The following NRAS variants were observed in gnomAD, a reference collection of about 807,000 sequenced individuals.
The protein encoded by NRAS is NRAS proto-oncogene, GTPase.
A neutral mutation model predicts 21.3 loss-of-function variants in NRAS; 6 were observed. The ratio of observed to expected loss-of-function variants is 0.28; its 90% CI spans 0.15 to 0.56. NRAS has a LOEUF of 0.56. Ranked by LOEUF, NRAS falls within the 20% of genes least tolerant of loss-of-function variation. NRAS has a pLI of 0.93. For synonymous variants in NRAS, 84 were observed against 82.0 expected (o/e 1.02, Z -0.13); for missense variants, 143 against 231.3 (o/e 0.62, Z 2.48).
intron 3 of NRAS, among the ~76,000 whole-genome samples, chr1:114,710,527 AAAG>A (rs1346653948): frequency 6.7e-6 from 1 of 150,308 alleles, no homozygotes; most frequent in Admixed American, 6.6e-5. Context: ...GAAAGGGAAG[AAAG>A]AAAAGAAAAG....
intron 3 of NRAS, among the ~76,000 whole-genome samples, chr1:114,712,481 G>T (rs1400259369): frequency 6.6e-6 from 1 of 151,944 alleles, no homozygotes; most frequent in African/African-American, 2.4e-5. Context: ...TTTCTTGTAA[G>T]AAAGAAGAAA....
In NRAS at chr1:114,708,646, T is replaced by C. The variant is rs1216736516; in HGVS notation, c.459A>G (p.Glu153=). Residue 153 remains glutamate, a synonymous_variant, in exon 5 of 7, where the codon GAA becomes GAG. Transcript: ENST00000369535. ...ETSAKTRQGV[E]DAFYTLVREI... ...CTCTTACCAGTGTGTAAAAAGCATC[T>C]TCAACACCCTATAAAAGGAAAAAAT... 4 of 1,613,880 alleles carry C rather than the reference T, an allele frequency of 2.5e-6. No homozygotes were observed. The highest frequency in any genetic ancestry group is 3.4e-6 in the Non-Finnish European group (4 of 1,179,760).
intron 4 of NRAS, among the ~76,000 whole-genome samples, chr1:114,709,185 C>T (rs1658983951): frequency 6.6e-6 from 1 of 152,100 alleles, no homozygotes; most frequent in African/African-American, 2.4e-5. Context: ...ACCTGTAATC[C>T]CAGCACTCTG....
At position 114,713,853 on chromosome 1, in the gene NRAS, G is replaced by A. The variant is rs2101741851; in HGVS notation, c.237C>T (p.Leu79=). The A allele has an allele frequency of 6.2e-7, 1 of 1,613,968 alleles. No individual in the cohort carries two copies. The highest frequency in any genetic ancestry group is 8.5e-7 in the Non-Finnish European group (1 of 1,179,926). The change falls in exon 3 of 7, where the codon CTC becomes CTT. Residue 79 remains leucine (L), a synonymous_variant. Coordinates refer to ENST00000369535, the MANE Select transcript of NRAS (RefSeq NM_002524.5). ...DQYMRTGEGF[L]CVFAINNSKS... ...TGCTATTATTGATGGCAAATACACA[G>A]AGGAAGCCTTCGCCTGTCCTCATGT...
rs1409493379 is a variant in NRAS, at chr1:114,707,022, C to CA, written c.*1071dup. ...ATCACTGATCACAGCTATTAAATAA[C>CA]AATGCACCAAAGTTTTACAATATTT... On this transcript the variant is annotated 3_prime_UTR_variant, in exon 7 of 7. Transcript: ENST00000369535. 2 of 152,568 alleles carry CA rather than the reference C, an allele frequency of 1.3e-5. No individual in the cohort carries two copies. Among genetic ancestry groups the CA allele is most frequent in the Admixed American group, 6.5e-5 (1 of 15,268 alleles). 9.5% of individuals were successfully genotyped at this position (152,568 alleles called of 1,614,324 possible). A position where few individuals can be genotyped will look rare whatever the true frequency, so the allele number is the denominator to read the frequency against.
rs1430613479 is a variant in NRAS, at chr1:114,705,200, A to T, written c.*2894T>A. On this transcript the variant is annotated 3_prime_UTR_variant, in exon 7 of 7. Transcript: ENST00000369535. The stretch of plus-strand genomic sequence containing the variant: ...AAGTCATGACAAAAAAATTCACAGC[A>T]GTTTAAAGGATGGTGAAAGACTAAA... 1 of 152,228 alleles carries T rather than the reference A, an allele frequency of 6.6e-6. No individual in the cohort carries two copies. Among genetic ancestry groups the T allele is most frequent in the African/African-American group, 2.4e-5 (1 of 41,458 alleles). The allele number at this position is 152,228 out of a possible 1,614,324, so 9.4% of individuals were successfully genotyped here.
At position 114,704,664 on chromosome 1, in the gene NRAS, A is replaced by G. The variant is rs539638523; in HGVS notation, c.*3430T>C. 1 of 152,244 alleles carries G rather than the reference A, an allele frequency of 6.6e-6. No individual in the cohort carries two copies. The allele number at this position is 152,244 out of a possible 1,614,324, so 9.4% of individuals were successfully genotyped here. A position where few individuals can be genotyped will look rare whatever the true frequency, so the allele number is the denominator to read the frequency against. The stretch of plus-strand genomic sequence containing the variant: ...ACAGCAGAATTGCACAATTATTTTT[A>G]CCTATATTTGATGGCACAAAAAAAT... On this transcript the variant is annotated 3_prime_UTR_variant, in exon 7 of 7. Coordinates refer to ENST00000369535, the MANE Select transcript of NRAS (RefSeq NM_002524.5).
chr1:114,713,244 G>C (rs1286888515), intron 3 of NRAS, among the ~76,000 whole-genome samples: 1 of 152,076 alleles, frequency 6.6e-6, no homozygotes, highest in East Asian at 1.9e-4. Flanking sequence ...CAGTGCAGTG[G>C]AGTGAGCATG....
At chr1:114,712,652 C>G (rs1324694993) in intron 3 of NRAS, among the ~76,000 whole-genome samples, 2 of 152,090 alleles carry the variant, frequency 1.3e-5, no homozygotes, top group Non-Finnish European at 2.9e-5. Context: ...CTTTTGAGAG[C>G]AGACATCTTC....
rs779899354 is a variant in NRAS at position 114,709,639 on chromosome 1, G to C, written c.380C>G (p.Thr127Arg). The part of the protein sequence containing the change: ...KCDLPTRTVD[T>R]KQAHELAKSY... ...CTTGGCCAGTTCGTGGGCTTGTTTT[G>C]TATCAACTGTCCTTGTTGGCAAATC... Residue 127 changes from threonine (T) to arginine (R), a missense_variant, in exon 4 of 7, where the codon ACA (threonine) becomes AGA (arginine). Physicochemically the swap from Thr to Arg is moderately conservative, Grantham distance 71 (BLOSUM62 -1). Transcript: ENST00000369535. 2 of 1,613,776 alleles carry C rather than the reference G, an allele frequency of 1.2e-6. No homozygotes were observed. The highest frequency in any genetic ancestry group is 1.7e-6 in the Non-Finnish European group (2 of 1,179,728).
At chr1:114,708,342 C>A in intron 5 of NRAS, 150 bp from the exon 6 acceptor site, 2 of 616,802 alleles carry the variant, frequency 3.2e-6, no homozygotes, top group Non-Finnish European at 5.8e-6. Flanking sequence ...ATAAAGATAC[C>A]TGTGGAATAA....
intron 2 of NRAS, among the ~76,000 whole-genome samples, chr1:114,714,202 C>A (rs960793742): frequency 6.6e-6 from 1 of 152,140 alleles, no homozygotes; most frequent in Non-Finnish European, 1.5e-5. Flanking sequence ...TATATGCCTG[C>A]AGAAAAGAAA....
chr1:114,708,834 T>A (rs999207764), intron 4 of NRAS, among the ~76,000 whole-genome samples, 180 bp from the exon 5 acceptor site: 3 of 152,224 alleles, frequency 2.0e-5, no homozygotes, highest in African/African-American at 4.8e-5. Flanking sequence ...CACATTCCTA[T>A]TGAATCACAA....
intron 2 of NRAS, among the ~76,000 whole-genome samples, chr1:114,715,391 A>G (rs975277850): frequency 6.6e-6 from 1 of 152,220 alleles, no homozygotes; most frequent in African/African-American, 2.4e-5. Context: ...AACTCTCATA[A>G]TAACAATAGA....
chr1:114,710,219 A>T (rs1195024223), intron 3 of NRAS, among the ~76,000 whole-genome samples: 1 of 71,258 alleles, frequency 1.4e-5, no homozygotes, highest in East Asian at 8.2e-4. Flanking sequence ...AATATATATA[A>T]AATATATAAA....
At position 114,705,738 on chromosome 1, in the gene NRAS, G is replaced by T. The variant is rs1658896457; in HGVS notation, c.*2356C>A. ...GGGTTGAAGTGATTCTCCTGCCTCAGCCTCTCAAGTAGCTGGGACTACAGG... is the reference window on the plus strand; with the variant it reads ...GGGTTGAAGTGATTCTCCTGCCTCATCCTCTCAAGTAGCTGGGACTACAGG... On this transcript the variant is annotated 3_prime_UTR_variant, in exon 7 of 7. Transcript: ENST00000369535. The T allele has an allele frequency of 1.3e-5, 2 of 152,228 alleles. No homozygotes were observed. The highest frequency in any genetic ancestry group is 4.8e-5 in the African/African-American group (2 of 41,436). 9.4% of individuals were successfully genotyped at this position (152,228 alleles called of 1,614,324 possible).
At chr1:114,715,387 CATA>C (rs1421155134) in intron 2 of NRAS, among the ~76,000 whole-genome samples, 1 of 152,172 alleles carries the variant, frequency 6.6e-6, no homozygotes. Flanking sequence ...CATGAACTCT[CATA>C]ATAACAATAG....
rs1198934352 is a variant in NRAS, at chr1:114,705,584, A to G, written c.*2510T>C. ...CACTGAAGTTATTCAGCTTTTAACT[A>G]TAAGTTTGTCACTCCTTTGTGCCAA... is the stretch of plus-strand genomic sequence containing the variant. On this transcript the variant is annotated 3_prime_UTR_variant, in exon 7 of 7. Transcript: ENST00000369535. The G allele has an allele frequency of 1.3e-5, 2 of 152,002 alleles. No homozygotes were observed. Among genetic ancestry groups the G allele is most frequent in the Admixed American group, 1.3e-4 (2 of 15,286 alleles). 9.4% of individuals were successfully genotyped at this position (152,002 alleles called of 1,614,324 possible).
rs114636410 is a variant in NRAS at position 114,713,836 on chromosome 1, T to C, written c.254A>G (p.Asn85Ser). ...AATATCCGCAAATGACTTGCTATTATTGATGGCAAATACACAGAGGAAGCC... is the reference window on the plus strand; with the variant it reads ...AATATCCGCAAATGACTTGCTATTACTGATGGCAAATACACAGAGGAAGCC... ...GEGFLCVFAI[N>S]NSKSFADINL... is the part of the protein sequence containing the mutation. The change falls in exon 3 of 7, where the codon AAT (asparagine) becomes AGT (serine). Residue 85 changes from asparagine (N) to serine (S), a missense_variant. Physicochemically the swap from Asn to Ser is conservative, Grantham distance 46. Coordinates refer to ENST00000369535, the MANE Select transcript of NRAS (RefSeq NM_002524.5). 6 of 1,614,130 alleles carry C rather than the reference T, an allele frequency of 3.7e-6. No individual in the cohort carries two copies. The East Asian group carries it at 8.9e-5, about 24-fold the overall frequency.
Sources: allele counts gnomAD v4.1 joint callset (sites outside exome capture counted in the v4.1 genomes callset), GRCh38; gene constraint gnomAD v4.1.1; transcripts MANE v1.5; gene names NCBI Gene and HGNC (gene_info 2026-07-23, HGNC 2026-07-21).